Variants in UVRAG observed in about 807,000 individuals in gnomAD.
UVRAG encodes the protein UV radiation resistance associated, also known as UV radiation resistance-associated gene protein.
UVRAG carries 19 observed loss-of-function variants against 78.0 expected under a neutral mutation model. That is an observed-to-expected ratio of 0.24 (90% CI 0.17 to 0.36). The LOEUF (loss-of-function observed/expected upper bound fraction) is 0.36, where lower values mean the gene tolerates loss of function less well. UVRAG is among the 10% of genes least tolerant of loss of function. The probability of loss-of-function intolerance (pLI) is 1.00; values close to 1 mark genes in which losing one functional copy is unlikely to be tolerated. For missense variants in UVRAG, 740 were observed against 853.8 expected (o/e 0.87, Z 1.66); for synonymous variants, 323 against 324.6 (o/e 1.00, Z 0.05).
chr11:76,041,661 C>CA (rs1763974881), intron 12 of UVRAG, among the ~76,000 whole-genome samples: 1 of 152,190 alleles, frequency 6.6e-6, no homozygotes, highest in African/African-American at 2.4e-5. Flanking sequence ...CAAATCTTAC[C>CA]CAAATTTATC....
At position 75,815,221 on chromosome 11, in the gene UVRAG, T is replaced by C; in HGVS notation, c.-187T>C. ...AGGGGTTGCACTGCGGTAATATGGC[T>C]CTTCCTTAGCCAGCGGCGGCAACGG... On this transcript the variant is annotated 5_prime_UTR_variant, in exon 1 of 15. Coordinates refer to ENST00000356136, the MANE Select transcript of UVRAG (RefSeq NM_003369.4). The C allele has an allele frequency of 2.3e-6, 1 of 437,198 alleles. No homozygotes were observed. The highest frequency in any genetic ancestry group is 4.0e-6 in the Non-Finnish European group (1 of 249,928). The allele number at this position is 437,198 out of a possible 1,614,324, so 27.1% of individuals were successfully genotyped here.
At chr11:76,091,929 C>T (rs1951705814) in intron 13 of UVRAG, among the ~76,000 whole-genome samples, 1 of 151,972 alleles carries the variant, frequency 6.6e-6, no homozygotes, top group Admixed American at 6.6e-5. Context: ...TGGTGTGCTG[C>T]ACCCATTAAT....
chr11:76,132,551 GA>G (rs954222652), intron 14 of UVRAG, among the ~76,000 whole-genome samples: 19 of 147,680 alleles, frequency 1.3e-4, no homozygotes, highest in East Asian at 3.9e-4. Flanking sequence ...AGAGAATTAG[GA>G]AAAAAAAAAG....
intron 7 of UVRAG, among the ~76,000 whole-genome samples, chr11:75,972,650 A>G (rs1248870866): frequency 6.6e-6 from 1 of 152,122 alleles, no homozygotes; most frequent in Non-Finnish European, 1.5e-5. Flanking sequence ...CCCTGTCTTG[A>G]TTACTATAGC....
At chr11:76,048,942 G>A (rs1950812710) in intron 12 of UVRAG, among the ~76,000 whole-genome samples, 1 of 152,260 alleles carries the variant, frequency 6.6e-6, no homozygotes, top group Admixed American at 6.5e-5. Flanking sequence ...GCATAGGGCA[G>A]CAGGCATAAG....
chr11:76,125,431 C>T (rs1374780100), intron 14 of UVRAG, among the ~76,000 whole-genome samples: 1 of 152,208 alleles, frequency 6.6e-6, no homozygotes, highest in Non-Finnish European at 1.5e-5. Context: ...GACCAGGCTT[C>T]TTCCATAACT....
At chr11:76,016,325 C>A (rs1381620960) in intron 11 of UVRAG, among the ~76,000 whole-genome samples, 1 of 151,908 alleles carries the variant, frequency 6.6e-6, no homozygotes, top group African/African-American at 2.4e-5. Context: ...AAGAACATAC[C>A]CCATAAGAAT....
chr11:76,021,303 A>G (rs1950242618), intron 12 of UVRAG, among the ~76,000 whole-genome samples: 2 of 152,194 alleles, frequency 1.3e-5, no homozygotes, highest in African/African-American at 4.8e-5. Context: ...CTATTCAGCC[A>G]TCTTGCTTCA....
At position 76,022,689 on chromosome 11, in the gene UVRAG, A is replaced by G. The variant is rs117835584; in HGVS notation, c.1226+5709A>G. Among the ~76,000 whole-genome samples the G allele has an allele frequency of 4.3e-3, 654 of 152,276 alleles. 3 individuals carry two copies. Among genetic ancestry groups the G allele is most frequent in the Non-Finnish European group, 4.6e-3 (316 of 68,020 alleles). On this transcript the variant is annotated intron_variant, in intron 12 of 14. Coordinates refer to ENST00000356136, the MANE Select transcript of UVRAG (RefSeq NM_003369.4). Reference sequence around the variant, plus strand: ...AATAAGTCTCTTGAAGATGGCATATAGTTGGAGCATGCCTTTTATGCATTC... The same window carrying G: ...AATAAGTCTCTTGAAGATGGCATATGGTTGGAGCATGCCTTTTATGCATTC...
At chr11:75,879,636 TGTAA>T (rs1440988478) in intron 3 of UVRAG, among the ~76,000 whole-genome samples, 5 of 152,216 alleles carry the variant, frequency 3.3e-5, no homozygotes, top group African/African-American at 4.8e-5. Flanking sequence ...TATGAAACCA[TGTAA>T]GTGAGTGATA....
At chr11:76,031,502 G>A (rs573655595) in intron 12 of UVRAG, among the ~76,000 whole-genome samples, 29 of 152,284 alleles carry the variant, frequency 1.9e-4, no homozygotes, top group African/African-American at 7.0e-4. Context: ...TGCTTTTATA[G>A]TGCTGATGTT....
At chr11:76,130,028 C>T (rs997220877) in intron 14 of UVRAG, among the ~76,000 whole-genome samples, 2 of 152,124 alleles carry the variant, frequency 1.3e-5, no homozygotes, top group African/African-American at 4.8e-5. Flanking sequence ...TTGTTTTCCT[C>T]CTCAGTTTTA....
At chr11:75,880,928 C>CTTTTTTTTTTTTTT (rs773034018) in intron 4 of UVRAG, among the ~76,000 whole-genome samples, 1 of 87,710 alleles carries the variant, frequency 1.1e-5, no homozygotes, top group African/African-American at 4.3e-5. Context: ...TTATTTACTT[C>CTTTTTTTTTTTTTT]TTTTTTTTTT....
intron 14 of UVRAG, among the ~76,000 whole-genome samples, chr11:76,139,175 C>G (rs1952655798): frequency 6.6e-6 from 1 of 152,090 alleles, no homozygotes; most frequent in African/African-American, 2.4e-5. Context: ...CGTGTGGTTG[C>G]CCCTTCCCAA....
intron 8 of UVRAG, among the ~76,000 whole-genome samples, chr11:75,992,463 G>A (rs890306174): frequency 3.3e-5 from 5 of 152,152 alleles, no homozygotes; most frequent in Admixed American, 2.6e-4. Context: ...TCCTTAGAAG[G>A]TTAGGATCTA....
At chr11:76,091,690 T>C (rs1037709759) in intron 13 of UVRAG, among the ~76,000 whole-genome samples, 1 of 152,160 alleles carries the variant, frequency 6.6e-6, no homozygotes, top group Non-Finnish European at 1.5e-5. Context: ...TAGCATCTTA[T>C]TGTTCTATGT....
chr11:75,993,626 C>T (rs1037210191), intron 8 of UVRAG, among the ~76,000 whole-genome samples: 3 of 152,090 alleles, frequency 2.0e-5, no homozygotes, highest in African/African-American at 7.2e-5. Context: ...AATTAGTTTG[C>T]TGGAAACTTA....
At chr11:75,913,570 T>C (rs572989642) in intron 6 of UVRAG, among the ~76,000 whole-genome samples, 1 of 152,330 alleles carries the variant, frequency 6.6e-6, no homozygotes, top group South Asian at 2.1e-4. Flanking sequence ...TTTTATCTTA[T>C]TCTCTTAGAA....
chr11:75,951,395 T>TG, intron 6 of UVRAG, among the ~76,000 whole-genome samples: 1 of 151,834 alleles, frequency 6.6e-6, no homozygotes, highest in East Asian at 1.9e-4. Context: ...TTTGTTTGTT[T>TG]TTTTGAGATG....
Sources: gnomAD v4.1 joint callset for allele counts (sites outside exome capture counted in the v4.1 genomes callset) on GRCh38, gnomAD v4.1.1 for gene constraint, MANE v1.5 for transcripts, NCBI Gene and HGNC (gene_info 2026-07-23, HGNC 2026-07-21) for gene names.